KCNJ6: variants seen among roughly 807,000 people sequenced by gnomAD.
KCNJ6 encodes potassium inwardly rectifying channel subfamily J member 6.
In KCNJ6, 9 loss-of-function variants were observed where a neutral mutation model predicts 34.2. The ratio of observed to expected loss-of-function variants is 0.26; its 90% CI spans 0.16 to 0.46. The LOEUF is 0.46. KCNJ6 is among the 20% of genes least tolerant of loss of function. KCNJ6 has a pLI of 1.00. For missense variants in KCNJ6, 236 were observed against 531.3 expected (o/e 0.44, Z 5.46); for synonymous variants, 196 against 207.1 (o/e 0.95, Z 0.46).
intron 1 of KCNJ6, among the ~76,000 whole-genome samples, chr21:37,914,008 GGTGTGTGTGTGTGTGTGTGTGTGTGTGT>G (rs371432862): frequency 2.2e-5 from 3 of 135,480 alleles, no homozygotes; most frequent in African/African-American, 8.3e-5. Flanking sequence ...GGCGGATCGG[GGTGTGTGTGTGTGTGTGTGTGTGTGTGT>G]GTGTGTGTGT....
intron 2 of KCNJ6, among the ~76,000 whole-genome samples, chr21:37,806,012 C>T (rs1469309327): frequency 1.3e-5 from 2 of 152,174 alleles, no homozygotes; most frequent in African/African-American, 4.8e-5. Flanking sequence ...TAGTTTGTTG[C>T]AGTCACCCTA....
chr21:37,626,661 GA>G (rs1456857699), intron 3 of KCNJ6, among the ~76,000 whole-genome samples: 2 of 152,066 alleles, frequency 1.3e-5, no homozygotes, highest in Non-Finnish European at 1.5e-5. Context: ...TGAGGTCAAA[GA>G]AATCTTTTAT....
intron 3 of KCNJ6, among the ~76,000 whole-genome samples, chr21:37,679,146 G>C (rs2054579885): frequency 6.6e-6 from 1 of 152,184 alleles, no homozygotes; most frequent in Non-Finnish European, 1.5e-5. Flanking sequence ...CCATATTAGT[G>C]TATCATCTTG....
chr21:37,762,181 T>C (rs564670261), intron 2 of KCNJ6, among the ~76,000 whole-genome samples: 2 of 152,268 alleles, frequency 1.3e-5, no homozygotes, highest in South Asian at 4.1e-4. Flanking sequence ...TTCTCATTAG[T>C]AGACAGGCCA....
chr21:37,717,058 C>T (rs1007546369), intron 2 of KCNJ6: 2 of 154,284 alleles, frequency 1.3e-5, no homozygotes, highest in Non-Finnish European at 2.9e-5. Flanking sequence ...TATGAGTTAA[C>T]CTTGCTCATG....
chr21:37,656,930 C>T (rs1159008828), intron 3 of KCNJ6, among the ~76,000 whole-genome samples: 1 of 152,218 alleles, frequency 6.6e-6, no homozygotes, highest in Non-Finnish European at 1.5e-5. Context: ...GATGCTTGTG[C>T]TTCCTTCCCA....
chr21:37,904,314 C>G (rs1210539082), intron 1 of KCNJ6, among the ~76,000 whole-genome samples: 1 of 152,176 alleles, frequency 6.6e-6, no homozygotes, highest in Non-Finnish European at 1.5e-5. Flanking sequence ...CTGAATCTCA[C>G]AAAAGACTCA....
intron 2 of KCNJ6, among the ~76,000 whole-genome samples, chr21:37,794,693 C>T (rs1210453168): frequency 1.3e-5 from 2 of 151,736 alleles, no homozygotes; most frequent in African/African-American, 4.8e-5. Context: ...CACTTGGACA[C>T]AGGGAGGGGA....
chr21:37,847,180 C>T (rs1488469662), intron 1 of KCNJ6, among the ~76,000 whole-genome samples: 1 of 152,046 alleles, frequency 6.6e-6, no homozygotes, highest in Non-Finnish European at 1.5e-5. Context: ...AAAATAGTAA[C>T]TCCTAATGTT....
intron 2 of KCNJ6, among the ~76,000 whole-genome samples, chr21:37,770,920 T>C (rs2055114880): frequency 6.6e-6 from 1 of 152,230 alleles, no homozygotes. Context: ...ATATTAATAA[T>C]GGTTAACTTT....
chr21:37,724,096 C>T (rs373207174), intron 2 of KCNJ6, among the ~76,000 whole-genome samples: 9 of 152,118 alleles, frequency 5.9e-5, no homozygotes, highest in African/African-American at 1.7e-4. Context: ...ATGAAGCCCA[C>T]GCTGGGCCCT....
At chr21:37,692,001 G>A (rs148558349) in intron 3 of KCNJ6, among the ~76,000 whole-genome samples, 114 of 152,216 alleles carry the variant, frequency 7.5e-4, no homozygotes, top group Non-Finnish European at 1.5e-3. Context: ...GGATGTCGTG[G>A]CATTCCAGCA....
chr21:37,878,400 A>G (rs186133470), intron 1 of KCNJ6, among the ~76,000 whole-genome samples: 3 of 152,346 alleles, frequency 2.0e-5, no homozygotes, highest in East Asian at 1.9e-4. Flanking sequence ...CAGAATTGCA[A>G]TGATTTGCTT....
At chr21:37,686,529 G>A (rs942181675) in intron 3 of KCNJ6, among the ~76,000 whole-genome samples, 8 of 134,604 alleles carry the variant, frequency 5.9e-5, no homozygotes, top group Middle Eastern at 8.5e-3. Flanking sequence ...GTGCAGTGGT[G>A]CGATCTCGGC....
chr21:37,855,242 G>A (rs1349065149), intron 1 of KCNJ6, among the ~76,000 whole-genome samples: 2 of 151,988 alleles, frequency 1.3e-5, no homozygotes, highest in Non-Finnish European at 2.9e-5. Context: ...TACCAGTCTA[G>A]CATGTCATTA....
intron 1 of KCNJ6, among the ~76,000 whole-genome samples, chr21:37,857,573 G>A (rs901557631): frequency 6.6e-6 from 1 of 152,204 alleles, no homozygotes; most frequent in Non-Finnish European, 1.5e-5. Context: ...TTTGTTAGCT[G>A]TGTGATGTAA....
chr21:37,726,586 G>A (rs1191422802), intron 2 of KCNJ6, among the ~76,000 whole-genome samples: 1 of 152,188 alleles, frequency 6.6e-6, no homozygotes, highest in African/African-American at 2.4e-5. Context: ...AGTAATGTGT[G>A]CATGTTTGTG....
At chr21:37,829,087 A>G (rs2055412804) in intron 2 of KCNJ6, among the ~76,000 whole-genome samples, 1 of 152,088 alleles carries the variant, frequency 6.6e-6, no homozygotes, top group African/African-American at 2.4e-5. Context: ...TTGCCTGGGT[A>G]GAACCTGCTG....
intron 1 of KCNJ6, among the ~76,000 whole-genome samples, chr21:37,865,150 G>A (rs1364293134): frequency 6.6e-6 from 1 of 152,170 alleles, no homozygotes; most frequent in Non-Finnish European, 1.5e-5. Flanking sequence ...ACTCCGTGTA[G>A]GAGTGTTAGA....
Sources: gnomAD v4.1 joint callset for allele counts (sites outside exome capture counted in the v4.1 genomes callset) on GRCh38, gnomAD v4.1.1 for gene constraint, MANE v1.5 for transcripts, NCBI Gene and HGNC (gene_info 2026-07-23, HGNC 2026-07-21) for gene names.